The following PHEX variants were observed in gnomAD, a reference collection of about 807,000 sequenced individuals.
The protein encoded by PHEX is phosphate regulating endopeptidase X-linked, also known as phosphate-regulating neutral endopeptidase PHEX.
A neutral mutation model predicts 68.0 loss-of-function variants in PHEX; 16 were observed. The observed-to-expected ratio is 0.24, with a 90% CI of 0.16 to 0.36. The LOEUF (loss-of-function observed/expected upper bound fraction) is 0.36, where lower values mean the gene tolerates loss of function less well. Ranked by LOEUF, PHEX falls within the 10% of genes least tolerant of loss-of-function variation. PHEX has a pLI of 1.00. For missense variants in PHEX, 480 were observed against 575.5 expected, an observed-to-expected ratio of 0.83 and a Z score of 1.70; for synonymous variants, 208 against 205.1, an observed-to-expected ratio of 1.01 and a Z score of -0.12.
chrX:22,211,009 C>T (rs1281656987), intron 15 of PHEX, among the ~76,000 whole-genome samples: 1 of 111,180 alleles, frequency 9.0e-6, no homozygotes, highest in Admixed American at 9.6e-5. Flanking sequence ...CTTTCAGTCT[C>T]ATGGGGCCTG....
chrX:22,059,492 TA>T lies in PHEX; in HGVS notation c.349+12288del, dbSNP rs3216805. Among the ~76,000 whole-genome samples, 29 of 112,411 alleles carry T rather than the reference TA, an allele frequency of 2.6e-4. No homozygotes were observed. In the East Asian group the frequency reaches 7.0e-3, roughly 27 times the overall value. ...TAGCACATATATATATTTCACACAGTAAAAAAAGTTGTGCTGTGTTTTGAAA... is the reference window on the plus strand; with the variant it reads ...TAGCACATATATATATTTCACACAGTAAAAAAGTTGTGCTGTGTTTTGAAA... On this transcript the variant is annotated intron_variant, in intron 3 of 21. Transcript: ENST00000379374.
intron 11 of PHEX, among the ~76,000 whole-genome samples, chrX:22,118,295 G>A (rs761948794): frequency 3.5e-5 from 3 of 85,886 alleles, no homozygotes; most frequent in South Asian, 6.7e-4. Flanking sequence ...ACCACACTTT[G>A]CGCAGCAAGG....
intron 11 of PHEX, among the ~76,000 whole-genome samples, chrX:22,132,635 A>G (rs1208417178): frequency 9.0e-6 from 1 of 111,363 alleles, no homozygotes; most frequent in Admixed American, 9.6e-5. Context: ...ATCTCTTTCA[A>G]CTGTTCACTT....
At chrX:22,212,477 A>T (rs762158629) in intron 15 of PHEX, among the ~76,000 whole-genome samples, 35 of 111,988 alleles carry the variant, frequency 3.1e-4, no homozygotes, top group African/African-American at 9.7e-4. Context: ...GATAAAAATC[A>T]TTAAGAATTT....
At chrX:22,060,717 T>C (rs1224487415) in intron 3 of PHEX, among the ~76,000 whole-genome samples, 1 of 111,627 alleles carries the variant, frequency 9.0e-6, no homozygotes, top group Non-Finnish European at 1.9e-5. Flanking sequence ...CTTTAGAAGA[T>C]TGTGGGCTAA....
At chrX:22,226,975 T>A (rs1935528763) in intron 19 of PHEX, among the ~76,000 whole-genome samples, 1 of 111,916 alleles carries the variant, frequency 8.9e-6, no homozygotes, top group Non-Finnish European at 1.9e-5. Context: ...ATCCACTAGT[T>A]TGTGGTCAAA....
At chrX:22,052,608 A>G (rs73635592) in intron 3 of PHEX, among the ~76,000 whole-genome samples, 10,013 of 111,565 alleles carry the variant, frequency 0.09, 673 homozygotes, top group African/African-American at 0.23. Context: ...GCCACTTGGA[A>G]CATGAGTTTA....
intron 5 of PHEX, among the ~76,000 whole-genome samples, chrX:22,084,334 G>A (rs749000434): frequency 3.5e-4 from 39 of 111,062 alleles, no homozygotes; most frequent in Non-Finnish European, 6.8e-4. Flanking sequence ...GGCATCCCTG[G>A]ATTAATCCCA....
intron 20 of PHEX, among the ~76,000 whole-genome samples, chrX:22,242,093 T>G (rs929565049): frequency 8.9e-6 from 1 of 112,012 alleles, no homozygotes; most frequent in Non-Finnish European, 1.9e-5. Flanking sequence ...CCAAGTTGGC[T>G]TCATACCTGG....
chrX:22,178,574 C>T lies in PHEX; in HGVS notation c.1586+198C>T, dbSNP rs370412471. ...TCAGATCTTAAGTCTAATTACAGGT[C>T]CCCCATTTCTAGCATCAACACATAT... On this transcript the variant is annotated intron_variant, in intron 14 of 21. Transcript: ENST00000379374. Among the ~76,000 whole-genome samples, 15 of 111,294 alleles carry T rather than the reference C, an allele frequency of 1.3e-4. No individual in the cohort carries two copies. The South Asian group carries it at 5.7e-3, about 42-fold the overall frequency.
chrX:22,239,209 G>A (rs1243767424), intron 20 of PHEX, among the ~76,000 whole-genome samples: 1 of 110,778 alleles, frequency 9.0e-6, no homozygotes, highest in Non-Finnish European at 1.9e-5. Context: ...AAGGATGTCC[G>A]ATCAGAGACC....
chrX:22,069,475 ATAAT>A (rs1031031461), intron 3 of PHEX, among the ~76,000 whole-genome samples: 6 of 111,953 alleles, frequency 5.4e-5, no homozygotes, highest in Non-Finnish European at 9.4e-5. Context: ...GCAATTTTAT[ATAAT>A]TAATTTCATT....
chrX:22,250,800 T>G lies in PHEX; in HGVS notation c.*2847T>G, dbSNP rs1936546032. 1 of 111,918 alleles carries G rather than the reference T, an allele frequency of 8.9e-6. No homozygotes were observed. The highest frequency in any genetic ancestry group is 2.8e-4 in the East Asian group (1 of 3,579). 9.2% of individuals were successfully genotyped at this position (111,918 alleles called of 1,213,427 possible). A position where few individuals can be genotyped will look rare whatever the true frequency, so the allele number is the denominator to read the frequency against. On this transcript the variant is annotated 3_prime_UTR_variant, in exon 22 of 22. Transcript: ENST00000379374. The stretch of plus-strand genomic sequence containing the variant: ...TTTAGTGCCTTGCCTCAATGGAGCT[T>G]AAAGCATAGCACATAAATTTTATCT...
intron 20 of PHEX, among the ~76,000 whole-genome samples, chrX:22,243,634 T>C (rs138886553): frequency 2.8e-4 from 32 of 112,394 alleles, no homozygotes; most frequent in African/African-American, 1.0e-3. Context: ...GAACAGACAC[T>C]TCTTAAAAGA....
At chrX:22,055,252 C>CAA (rs1491063389) in intron 3 of PHEX, among the ~76,000 whole-genome samples, 1 of 82,039 alleles carries the variant, frequency 1.2e-5, no homozygotes, top group East Asian at 4.3e-4. Context: ...TCCCAACACA[C>CAA]AAAATAATGA....
At chrX:22,224,457 C>T (rs954764506) in intron 18 of PHEX, among the ~76,000 whole-genome samples, 5 of 112,006 alleles carry the variant, frequency 4.5e-5, no homozygotes, top group Non-Finnish European at 9.4e-5. Flanking sequence ...AACTGCACAT[C>T]AGTCAATTAC....
intron 3 of PHEX, among the ~76,000 whole-genome samples, chrX:22,063,748 G>C (rs1928476962): frequency 8.9e-6 from 1 of 112,383 alleles, no homozygotes; most frequent in African/African-American, 3.2e-5. Flanking sequence ...TCCTTAAAAT[G>C]CTTTTGGATT....
chrX:22,218,070 G>T (rs1384227765), intron 16 of PHEX, among the ~76,000 whole-genome samples: 6 of 110,025 alleles, frequency 5.5e-5, no homozygotes, highest in African/African-American at 2.0e-4. Context: ...CTGTGCCCCA[G>T]TTGGGCTGGC....
intron 15 of PHEX, among the ~76,000 whole-genome samples, chrX:22,200,996 T>A (rs1934533479): frequency 8.9e-6 from 1 of 111,869 alleles, no homozygotes; most frequent in African/African-American, 3.3e-5. Context: ...GGTTATTCTG[T>A]AAGCTAGCTT....
Sources: allele counts gnomAD v4.1 joint callset (sites outside exome capture counted in the v4.1 genomes callset), GRCh38; gene constraint gnomAD v4.1.1; transcripts MANE v1.5; gene names NCBI Gene and HGNC (gene_info 2026-07-23, HGNC 2026-07-21).